SLC35F1: variants seen among roughly 807,000 people sequenced by gnomAD.
The protein encoded by SLC35F1 is chromosome 6 open reading frame 169.
A neutral mutation model predicts 48.7 loss-of-function variants in SLC35F1; 14 were observed. That is an observed-to-expected ratio of 0.29 (90% CI 0.19 to 0.45). SLC35F1 has a LOEUF of 0.45. Ranked by LOEUF, SLC35F1 falls within the 20% of genes least tolerant of loss-of-function variation. The pLI is 1.00. For synonymous variants in SLC35F1, 190 were observed against 202.2 expected (o/e 0.94, Z 0.51); for missense variants, 404 against 500.0 (o/e 0.81, Z 1.83).
At chr6:118,030,436 A>G (rs1772029172) in intron 1 of SLC35F1, among the ~76,000 whole-genome samples, 1 of 152,242 alleles carries the variant, frequency 6.6e-6, no homozygotes, top group Non-Finnish European at 1.5e-5. Flanking sequence ...AACTGTGGTC[A>G]GAGTAGTTTC....
At chr6:118,044,330 G>A (rs111717231) in intron 1 of SLC35F1, among the ~76,000 whole-genome samples, 18 of 152,246 alleles carry the variant, frequency 1.2e-4, no homozygotes, top group African/African-American at 3.1e-4. Context: ...GTCTGCCATC[G>A]CCCTTTCCTC....
chr6:118,022,845 G>A (rs960699374), intron 1 of SLC35F1, among the ~76,000 whole-genome samples: 2 of 151,598 alleles, frequency 1.3e-5, no homozygotes, highest in Non-Finnish European at 2.9e-5. Context: ...CCGCCTCCTG[G>A]GTTCGCGCCA....
intron 2 of SLC35F1, among the ~76,000 whole-genome samples, chr6:118,181,723 CA>C (rs1774580949): frequency 6.6e-6 from 1 of 151,126 alleles, no homozygotes; most frequent in Admixed American, 6.6e-5. Context: ...ATGGAAATAC[CA>C]AAAAAAGATT....
At chr6:118,290,190 C>T (rs1776103352) in intron 7 of SLC35F1, among the ~76,000 whole-genome samples, 1 of 151,224 alleles carries the variant, frequency 6.6e-6, no homozygotes, top group Admixed American at 6.6e-5. Flanking sequence ...AGTTTTTGTT[C>T]ACATCCAATA....
At chr6:118,307,330 A>G (rs1258486263) in intron 7 of SLC35F1, among the ~76,000 whole-genome samples, 4 of 152,126 alleles carry the variant, frequency 2.6e-5, no homozygotes, top group African/African-American at 9.7e-5. Context: ...AAGACAACTG[A>G]TTTTGGTATT....
chr6:118,251,735 G>A (rs1010304057), intron 3 of SLC35F1, among the ~76,000 whole-genome samples: 5 of 152,030 alleles, frequency 3.3e-5, no homozygotes, highest in African/African-American at 4.8e-5. Flanking sequence ...TGACTTATTC[G>A]GTGTGTGAGT....
chr6:118,265,299 A>G (rs1422200368), intron 3 of SLC35F1, among the ~76,000 whole-genome samples: 1 of 152,198 alleles, frequency 6.6e-6, no homozygotes, highest in Non-Finnish European at 1.5e-5. Flanking sequence ...GTTTCTGGTC[A>G]TTAAAAATCT....
intron 1 of SLC35F1, among the ~76,000 whole-genome samples, chr6:118,142,284 G>T (rs770600850): frequency 2.2e-4 from 33 of 151,910 alleles, no homozygotes; most frequent in African/African-American, 3.6e-4. Context: ...TATATTTAAG[G>T]TACACAACAT....
intron 2 of SLC35F1, among the ~76,000 whole-genome samples, chr6:118,196,513 C>T (rs1419957773): frequency 6.6e-6 from 1 of 151,822 alleles, no homozygotes; most frequent in Non-Finnish European, 1.5e-5. Flanking sequence ...GCCAGGAGTT[C>T]GAGACTAGCC....
intron 1 of SLC35F1, among the ~76,000 whole-genome samples, chr6:118,007,175 G>A (rs1156511488): frequency 1.3e-5 from 2 of 152,028 alleles, no homozygotes; most frequent in South Asian, 2.1e-4. Context: ...TCTGATGAAG[G>A]CCTTCTTGCT....
intron 7 of SLC35F1, among the ~76,000 whole-genome samples, chr6:118,287,630 T>A (rs557743176): frequency 6.6e-6 from 1 of 152,292 alleles, no homozygotes; most frequent in Admixed American, 6.5e-5. Context: ...GTTGGTAACA[T>A]GTTCCCCCTG....
chr6:117,953,713 A>G (rs1199149862), intron 1 of SLC35F1, among the ~76,000 whole-genome samples: 1 of 152,200 alleles, frequency 6.6e-6, no homozygotes. Context: ...TTATAAGTGA[A>G]TGTTCCAGAG....
chr6:118,159,215 T>C, intron 2 of SLC35F1, among the ~76,000 whole-genome samples: 1 of 86,890 alleles, frequency 1.2e-5, no homozygotes. Context: ...AGCGAGACTC[T>C]GTCTCAAAAA....
chr6:118,273,954 A>G (rs576479155), intron 4 of SLC35F1, among the ~76,000 whole-genome samples: 2 of 152,374 alleles, frequency 1.3e-5, no homozygotes, highest in South Asian at 4.1e-4. Context: ...TAGAGATAGA[A>G]TCTTCCAAGG....
chr6:118,255,966 G>GA (rs895463554), intron 3 of SLC35F1, among the ~76,000 whole-genome samples: 5 of 151,604 alleles, frequency 3.3e-5, no homozygotes, highest in African/African-American at 7.3e-5. Context: ...CTCTGAGAAG[G>GA]AAAAAAAATC....
chr6:118,053,266 A>C (rs1772416353), intron 1 of SLC35F1, among the ~76,000 whole-genome samples: 1 of 152,178 alleles, frequency 6.6e-6, no homozygotes, highest in Non-Finnish European at 1.5e-5. Flanking sequence ...AGGCATAGTA[A>C]GATTTAAGAA....
chr6:118,059,903 A>G (rs984661182), intron 1 of SLC35F1, among the ~76,000 whole-genome samples: 2 of 152,214 alleles, frequency 1.3e-5, no homozygotes, highest in African/African-American at 4.8e-5. Flanking sequence ...AGGAGAAGAA[A>G]CACTATACAA....
chr6:118,108,576 A>C (rs1198305781), intron 1 of SLC35F1, among the ~76,000 whole-genome samples: 1 of 152,162 alleles, frequency 6.6e-6, no homozygotes, highest in Non-Finnish European at 1.5e-5. Context: ...CATGTATAGA[A>C]ATGTCTTGGA....
chr6:117,933,595 A>G (rs1400524784), intron 1 of SLC35F1, among the ~76,000 whole-genome samples: 1 of 152,172 alleles, frequency 6.6e-6, no homozygotes, highest in Non-Finnish European at 1.5e-5. Context: ...TTTAGAAAAA[A>G]AAAGGATGTT....
Sources: gnomAD v4.1 joint callset for allele counts (sites outside exome capture counted in the v4.1 genomes callset) on GRCh38, gnomAD v4.1.1 for gene constraint, MANE v1.5 for transcripts, NCBI Gene and HGNC (gene_info 2026-07-23, HGNC 2026-07-21) for gene names.